The following CLIP4 variants were observed in gnomAD, a reference collection of about 807,000 sequenced individuals.
The protein encoded by CLIP4 is CAP-Gly domain-containing linker protein 4.
In CLIP4, 47 loss-of-function variants were observed where a neutral mutation model predicts 73.1. That is an observed-to-expected ratio of 0.64 (90% CI 0.51 to 0.82). The LOEUF is 0.82. CLIP4 is among the 40% of genes least tolerant of loss of function. CLIP4 has a pLI of 0.00. For synonymous variants in CLIP4, 306 were observed against 295.4 expected (o/e 1.04, Z -0.37); for missense variants, 874 against 852.9 (o/e 1.02, Z -0.31).
Position 29,181,654 on chromosome 2 carries a change from T to C in CLIP4, c.1879T>C (p.Ser627Pro). The change falls in exon 16 of 16, where the codon TCT (serine) becomes CCT (proline). Residue 627 changes from serine to proline, a missense_variant. By Grantham distance (74) the Ser-to-Pro change is moderately conservative. Transcript: ENST00000320081. ...IEGSVKLHEG[S>P]QVLLTSSNEM... The stretch of plus-strand genomic sequence containing the variant: ...AGGGAGCGTGAAGCTGCACGAGGGG[T>C]CTCAGGTCCTGCTCACGAGCTCCAA... The C allele has an allele frequency of 6.2e-7, 1 of 1,613,952 alleles. No homozygotes were observed. Among genetic ancestry groups the C allele is most frequent in the African/African-American group, 1.3e-5 (1 of 74,978 alleles).
At chr2:29,159,858 T>G (rs534828476) in intron 11 of CLIP4, among the ~76,000 whole-genome samples, 44 of 152,372 alleles carry the variant, frequency 2.9e-4, no homozygotes, top group African/African-American at 1.1e-3. Context: ...TAAAGTTCTT[T>G]GGAATGCAGC....
intron 1 of CLIP4, among the ~76,000 whole-genome samples, chr2:29,100,790 C>T (rs1668019419): frequency 6.6e-6 from 1 of 151,778 alleles, no homozygotes; most frequent in African/African-American, 2.4e-5. Flanking sequence ...GGGCTTAGCA[C>T]ATATCACATT....
intron 15 of CLIP4, among the ~76,000 whole-genome samples, chr2:29,180,011 C>T (rs1001915900): frequency 9.2e-5 from 14 of 152,098 alleles, no homozygotes; most frequent in African/African-American, 3.4e-4. Flanking sequence ...ACAAATGAGA[C>T]ATTGTGTGTG....
At chr2:29,121,563 T>G in intron 2 of CLIP4, 42 bp downstream of exon 2, 1 of 1,602,388 alleles carries the variant, frequency 6.2e-7, no homozygotes, top group Non-Finnish European at 8.5e-7. Context: ...AACTGGTAAC[T>G]TGACTTCTCT....
chr2:29,173,934 C>G (rs1166030926), intron 14 of CLIP4, among the ~76,000 whole-genome samples: 1 of 152,006 alleles, frequency 6.6e-6, no homozygotes, highest in Middle Eastern at 3.2e-3. Context: ...AAATAATCAG[C>G]TTTATAAATG....
chr2:29,169,136 T>C (rs978566379), intron 14 of CLIP4, among the ~76,000 whole-genome samples: 1 of 152,172 alleles, frequency 6.6e-6, no homozygotes, highest in Admixed American at 6.5e-5. Flanking sequence ...TTTGATGATG[T>C]ATTAGTTGCT....
intron 2 of CLIP4, among the ~76,000 whole-genome samples, chr2:29,124,114 A>T (rs1273605059): frequency 6.6e-6 from 1 of 151,908 alleles, no homozygotes; most frequent in Non-Finnish European, 1.5e-5. Flanking sequence ...GTGTAGGTCC[A>T]GATTTCCATC....
chr2:29,168,618 G>C (rs1352616361), intron 14 of CLIP4, among the ~76,000 whole-genome samples: 2 of 142,256 alleles, frequency 1.4e-5, no homozygotes, highest in Non-Finnish European at 3.0e-5. Context: ...CGCCTCCCAG[G>C]TTCACACCAT....
rs1040887049 is a variant in CLIP4, at chr2:29,183,053, A to C, written c.*1160A>C. ...AAAGCTACAGAACTGTATTGTTTTT[A>C]TTTTCCTTCTTGAGCACATGTTAAC... On this transcript the variant is annotated 3_prime_UTR_variant, in exon 16 of 16. Transcript: ENST00000320081. 1 of 152,314 alleles carries C rather than the reference A, an allele frequency of 6.6e-6. No individual in the cohort carries two copies. Among genetic ancestry groups the C allele is most frequent in the Non-Finnish European group, 1.5e-5 (1 of 68,020 alleles). 9.4% of individuals were successfully genotyped at this position (152,314 alleles called of 1,614,324 possible).
rs762277505 is a variant in CLIP4 at position 29,181,679 on chromosome 2, A to T, written c.1904A>T (p.Asn635Ile). ...TCTCAGGTCCTGCTCACGAGCTCCA[A>T]TGAGATGGGTACTGTTAGGTATGTG... is the stretch of plus-strand genomic sequence containing the variant. ...EGSQVLLTSS[N>I]EMGTVRYVGP... Residue 635 changes from asparagine to isoleucine, a missense_variant, in exon 16 of 16, where the codon AAT becomes ATT. By Grantham distance (149) the Asn-to-Ile change is moderately radical (BLOSUM62 -3). Coordinates refer to ENST00000320081, the MANE Select transcript of CLIP4 (RefSeq NM_024692.6). The T allele has an allele frequency of 6.2e-7, 1 of 1,614,176 alleles. No homozygotes were observed. Among genetic ancestry groups the T allele is most frequent in the Non-Finnish European group, 8.5e-7 (1 of 1,180,016 alleles).
chr2:29,118,044 G>T (rs1663990733), intron 1 of CLIP4, among the ~76,000 whole-genome samples: 1 of 152,196 alleles, frequency 6.6e-6, no homozygotes, highest in African/African-American at 2.4e-5. Flanking sequence ...AGGATCATTG[G>T]AGTTATGCTT....
At chr2:29,132,340 C>T (rs552096947) in intron 4 of CLIP4, 95 bp downstream of exon 4, 3 of 959,920 alleles carry the variant, frequency 3.1e-6, no homozygotes, top group East Asian at 2.4e-5. Flanking sequence ...GGGGAAGGCA[C>T]CCAGCTGATG....
chr2:29,166,524 C>G lies in CLIP4; in HGVS notation c.1659-952C>G, dbSNP rs542532419. Among the ~76,000 whole-genome samples the G allele has an allele frequency of 1.2e-4, 13 of 111,068 alleles. No individual in the cohort carries two copies. The South Asian group carries it at 3.2e-3, about 27-fold the overall frequency. The allele number at this position is 111,068 out of a possible 152,430, so 72.9% of individuals were successfully genotyped here. ...TCACTGACTAGGTTAATCACATACA[C>G]ACACAGACACACACACACACACACA... On this transcript the variant is annotated intron_variant, in intron 13 of 15. Coordinates refer to ENST00000320081, the MANE Select transcript of CLIP4 (RefSeq NM_024692.6).
chr2:29,164,081 C>G lies in CLIP4; in HGVS notation c.1658+127C>G, dbSNP rs377489069. The stretch of plus-strand genomic sequence containing the variant: ...TCATGTCTTCTTTCAAGGGGTTAAC[C>G]AACCACCTTCTTCAGAGAGAAGGCT... On this transcript the variant is annotated intron_variant, in intron 13 of 15. Transcript: ENST00000320081. The G allele has an allele frequency of 1.8e-4, 145 of 789,548 alleles. No homozygotes were observed. The African/African-American group carries it at 2.4e-3, about 13-fold the overall frequency. The allele number at this position is 789,548 out of a possible 1,614,324, so 48.9% of individuals were successfully genotyped here.
Position 29,157,306 on chromosome 2 carries a change from C to A in CLIP4, c.1358C>A (p.Thr453Lys), listed in dbSNP as rs565214090. Residue 453 changes from threonine (T) to lysine (K), a missense_variant, in exon 11 of 16, where the codon ACA becomes AAA. Thr to Lys is a moderately conservative substitution (Grantham distance 78). Coordinates refer to ENST00000320081, the MANE Select transcript of CLIP4 (RefSeq NM_024692.6). ...KQNAISSNKK[T>K]MSKSPSLSSR... is the part of the protein sequence containing the mutation. ...AATGCAATCAGCAGTAACAAGAAGA[C>A]AATGAGCAAAAGCCCTTCCCTTTCA... 6.2e-7 allele frequency: 1 copy of A among 1,614,070 alleles called. No homozygotes were observed. Among genetic ancestry groups the A allele is most frequent in the African/African-American group, 1.3e-5 (1 of 75,026 alleles).
At chr2:29,116,306 T>G (rs1256027952) in intron 1 of CLIP4, among the ~76,000 whole-genome samples, 1 of 152,238 alleles carries the variant, frequency 6.6e-6, no homozygotes, top group Non-Finnish European at 1.5e-5. Context: ...ATCCAGACTC[T>G]GGTTTTCAGC....
intron 12 of CLIP4, among the ~76,000 whole-genome samples, chr2:29,161,494 T>C (rs1251779527): frequency 1.3e-5 from 2 of 152,128 alleles, no homozygotes; most frequent in Non-Finnish European, 2.9e-5. Context: ...ATTTGCAAGC[T>C]AACAAATTCG....
chr2:29,182,604 C>G lies in CLIP4; in HGVS notation c.*711C>G, dbSNP rs548105197. Reference sequence around the variant, plus strand: ...GTCTCCTCACTTGTGGCCCAGTGCTCTTTCTGCTATACAAAATGTCTAATC... The same window carrying G: ...GTCTCCTCACTTGTGGCCCAGTGCTGTTTCTGCTATACAAAATGTCTAATC... On this transcript the variant is annotated 3_prime_UTR_variant, in exon 16 of 16. Transcript: ENST00000320081. The G allele has an allele frequency of 1.3e-5, 2 of 152,716 alleles. No individual in the cohort carries two copies. The highest frequency in any genetic ancestry group is 4.8e-5 in the African/African-American group (2 of 41,568). 9.5% of individuals were successfully genotyped at this position (152,716 alleles called of 1,614,324 possible).
At chr2:29,103,393 T>C (rs1359996618) in intron 1 of CLIP4, among the ~76,000 whole-genome samples, 1 of 151,822 alleles carries the variant, frequency 6.6e-6, no homozygotes, top group East Asian at 1.9e-4. Flanking sequence ...AATTTAGTCT[T>C]TAATTCAGTA....
Sources: allele counts gnomAD v4.1 joint callset (sites outside exome capture counted in the v4.1 genomes callset), GRCh38; gene constraint gnomAD v4.1.1; transcripts MANE v1.5; gene names NCBI Gene and HGNC (gene_info 2026-07-23, HGNC 2026-07-21).